Variants in ZFHX3 observed in about 807,000 individuals in gnomAD.
ZFHX3 encodes zinc finger homeobox protein 3.
A neutral mutation model predicts 279.1 loss-of-function variants in ZFHX3; 42 were observed. The ratio of observed to expected loss-of-function variants is 0.15; its 90% CI spans 0.12 to 0.19. ZFHX3 has a LOEUF of 0.19. Among genes scored for constraint, ZFHX3 ranks in the 10% least tolerant of loss-of-function variants. ZFHX3 has a pLI of 1.00. For synonymous variants in ZFHX3, 2,293 were observed against 1,957.8 expected (o/e 1.17, Z -4.52); for missense variants, 4,981 against 4,754.0 (o/e 1.05, Z -1.40).
intron 5 of ZFHX3, among the ~76,000 whole-genome samples, chr16:73,239,863 G>T (rs2013065757): frequency 6.6e-6 from 1 of 152,296 alleles, no homozygotes; most frequent in South Asian, 2.1e-4. Flanking sequence ...GCTCTGTAAA[G>T]TTGCCACAGA....
At chr16:73,720,759 C>T (rs995819047) in intron 1 of ZFHX3, among the ~76,000 whole-genome samples, 1 of 152,146 alleles carries the variant, frequency 6.6e-6, no homozygotes, top group Non-Finnish European at 1.5e-5. Flanking sequence ...CTACAGTGAG[C>T]CATTTCTTTC....
At chr16:72,874,192 T>G (rs991392923) in intron 4 of ZFHX3, among the ~76,000 whole-genome samples, 1 of 128,564 alleles carries the variant, frequency 7.8e-6, no homozygotes, top group Non-Finnish European at 1.6e-5. Flanking sequence ...GATGGAGGAT[T>G]TTTTGATTTT....
At chr16:73,185,253 G>A (rs1357258422) in intron 5 of ZFHX3, among the ~76,000 whole-genome samples, 2 of 152,224 alleles carry the variant, frequency 1.3e-5, no homozygotes, top group Non-Finnish European at 2.9e-5. Context: ...CCTACTATGT[G>A]CCGGGAAGTG....
chr16:73,537,783 T>C (rs2019933173), intron 2 of ZFHX3, among the ~76,000 whole-genome samples: 1 of 152,210 alleles, frequency 6.6e-6, no homozygotes, highest in Non-Finnish European at 1.5e-5. Flanking sequence ...GTCAGAATGC[T>C]TTTATACCTA....
chr16:73,755,104 T>C (rs1300290324), intron 1 of ZFHX3, among the ~76,000 whole-genome samples: 1 of 152,214 alleles, frequency 6.6e-6, no homozygotes, highest in African/African-American at 2.4e-5. Context: ...AATTCATTCA[T>C]CATTCGATGG....
intron 5 of ZFHX3, among the ~76,000 whole-genome samples, chr16:73,151,185 AC>A (rs1380725088): frequency 2.0e-5 from 3 of 152,194 alleles, no homozygotes; most frequent in Admixed American, 6.5e-5. Context: ...CAAATCCCCA[AC>A]TTTTTTGCAT....
intron 2 of ZFHX3, among the ~76,000 whole-genome samples, chr16:73,461,812 C>T (rs1185092134): frequency 2.0e-5 from 3 of 152,188 alleles, no homozygotes; most frequent in Non-Finnish European, 4.4e-5. Context: ...GATGATTCCT[C>T]TCACTTTATT....
intron 1 of ZFHX3, among the ~76,000 whole-genome samples, chr16:73,736,060 G>T (rs55634616): frequency 1.3e-5 from 2 of 152,086 alleles, no homozygotes; most frequent in East Asian, 3.9e-4. Context: ...CAGCTTCTCA[G>T]TCCTGGGCCA....
At chr16:73,842,187 G>A (rs530190499) in intron 1 of ZFHX3, among the ~76,000 whole-genome samples, 1 of 152,022 alleles carries the variant, frequency 6.6e-6, no homozygotes, top group South Asian at 2.1e-4. Context: ...CTGCACTCCA[G>A]CCTGGGCAAC....
chr16:73,676,607 T>A (rs936778650), intron 2 of ZFHX3, among the ~76,000 whole-genome samples: 1 of 151,472 alleles, frequency 6.6e-6, no homozygotes, highest in African/African-American at 2.4e-5. Context: ...AAGAAAGCAA[T>A]AAGGCTAATA....
intron 2 of ZFHX3, among the ~76,000 whole-genome samples, chr16:73,514,035 T>G (rs1382536987): frequency 6.6e-6 from 1 of 152,136 alleles, no homozygotes; most frequent in Admixed American, 6.5e-5. Context: ...GATCCCAATG[T>G]GGGGAGATCA....
At chr16:73,166,269 G>A (rs1217974908) in intron 5 of ZFHX3, among the ~76,000 whole-genome samples, 2 of 152,172 alleles carry the variant, frequency 1.3e-5, no homozygotes, top group Non-Finnish European at 2.9e-5. Context: ...GGAGATTTAT[G>A]GGGCTTCATA....
intron 1 of ZFHX3, among the ~76,000 whole-genome samples, chr16:73,819,516 C>A (rs896017282): frequency 6.6e-6 from 1 of 152,062 alleles, no homozygotes; most frequent in African/African-American, 2.4e-5. Flanking sequence ...AACTTTAAGT[C>A]TTAGGATTCT....
chr16:73,050,176 A>C (rs1965424062), upstream of ZFHX3, among the ~76,000 whole-genome samples: 1 of 152,232 alleles, frequency 6.6e-6, no homozygotes, highest in Non-Finnish European at 1.5e-5. Flanking sequence ...GCCCACAGAC[A>C]AATACCTTCA....
intron 1 of ZFHX3, among the ~76,000 whole-genome samples, chr16:73,852,562 G>A (rs893216679): frequency 2.0e-5 from 3 of 152,144 alleles, no homozygotes; most frequent in Admixed American, 1.3e-4. Context: ...GGTATCTAAA[G>A]GTTTATGAAC....
chr16:73,607,650 G>T (rs1265652885), intron 2 of ZFHX3, among the ~76,000 whole-genome samples: 1 of 152,190 alleles, frequency 6.6e-6, no homozygotes, highest in South Asian at 2.1e-4. Context: ...TCAACACAAG[G>T]TATTATTATG....
At chr16:72,877,166 C>T (rs956001880) in intron 4 of ZFHX3, among the ~76,000 whole-genome samples, 2 of 152,154 alleles carry the variant, frequency 1.3e-5, no homozygotes, top group African/African-American at 2.4e-5. Context: ...TCTTCAGATC[C>T]GCCCAGGGTC....
At chr16:73,556,830 TC>T (rs2020290922) in intron 2 of ZFHX3, among the ~76,000 whole-genome samples, 2 of 151,668 alleles carry the variant, frequency 1.3e-5, no homozygotes, top group Non-Finnish European at 2.9e-5. Context: ...GCGCGGTGGC[TC>T]ATGCCTGTAA....
At chr16:73,536,905 T>G (rs895496502) in intron 2 of ZFHX3, among the ~76,000 whole-genome samples, 1 of 152,154 alleles carries the variant, frequency 6.6e-6, no homozygotes, top group Non-Finnish European at 1.5e-5. Context: ...AAGATGTATT[T>G]GCATAGGTTA....
Sources: gnomAD v4.1 joint callset for allele counts (sites outside exome capture counted in the v4.1 genomes callset) on GRCh38, gnomAD v4.1.1 for gene constraint, MANE v1.5 for transcripts, NCBI Gene and HGNC (gene_info 2026-07-23, HGNC 2026-07-21) for gene names.